The following ZFYVE28 variants were observed in gnomAD, a reference collection of about 807,000 sequenced individuals.
The protein encoded by ZFYVE28 is lateral signaling target protein 2 homolog.
In ZFYVE28, 40 loss-of-function variants were observed where a neutral mutation model predicts 82.1. That is an observed-to-expected ratio of 0.49 (90% CI 0.38 to 0.63). ZFYVE28 has a LOEUF of 0.63. Among genes scored for constraint, ZFYVE28 ranks in the 30% least tolerant of loss-of-function variants. The pLI is 0.00. For synonymous variants in ZFYVE28, 612 were observed against 546.1 expected, an observed-to-expected ratio of 1.12 and a Z score of -1.68; for missense variants, 1,321 against 1,242.1, an observed-to-expected ratio of 1.06 and a Z score of -0.96.
At position 2,358,322 on chromosome 4, in the gene ZFYVE28, C is replaced by G. The variant is rs576768775; in HGVS notation, c.40-4249G>C. Among the ~76,000 whole-genome samples the G allele has an allele frequency of 2.8e-3, 426 of 152,344 alleles. 2 individuals carry two copies. The highest frequency in any genetic ancestry group is 9.9e-3 in the African/African-American group (411 of 41,578). On this transcript the variant is annotated intron_variant, in intron 1 of 12. Coordinates refer to ENST00000290974, the MANE Select transcript of ZFYVE28 (RefSeq NM_020972.3). ...GTGTGTGCATGTGAGACCAGTGCAGCAAGTGTCAAGATGAGCTCCCACAGG... is the reference window on the plus strand; with the variant it reads ...GTGTGTGCATGTGAGACCAGTGCAGGAAGTGTCAAGATGAGCTCCCACAGG...
intron 1 of ZFYVE28, among the ~76,000 whole-genome samples, chr4:2,414,984 C>T (rs1732882136): frequency 6.6e-6 from 1 of 152,238 alleles, no homozygotes; most frequent in Non-Finnish European, 1.5e-5. Flanking sequence ...GGTTTTCCTG[C>T]ACCGTCTCTT....
chr4:2,347,426 C>T (rs775133340), intron 2 of ZFYVE28, among the ~76,000 whole-genome samples: 1 of 152,156 alleles, frequency 6.6e-6, no homozygotes, highest in South Asian at 2.1e-4. Flanking sequence ...ATATGGTTGA[C>T]ATTTACAGAA....
At chr4:2,310,304 C>T (rs1717297895) in intron 7 of ZFYVE28, among the ~76,000 whole-genome samples, 1 of 152,048 alleles carries the variant, frequency 6.6e-6, no homozygotes, top group South Asian at 2.1e-4. Flanking sequence ...CTTCCAAAGT[C>T]CTGGGATTAC....
At chr4:2,403,116 T>A (rs3135074) in intron 1 of ZFYVE28, among the ~76,000 whole-genome samples, 2 of 152,278 alleles carry the variant, frequency 1.3e-5, no homozygotes, top group East Asian at 3.9e-4. Flanking sequence ...TGATGACCCC[T>A]CTGGGCTGTG....
At chr4:2,290,143 G>A (rs560979508) in intron 8 of ZFYVE28, among the ~76,000 whole-genome samples, 1 of 152,298 alleles carries the variant, frequency 6.6e-6, no homozygotes, top group East Asian at 1.9e-4. Flanking sequence ...TGCCCCAGGG[G>A]ACTCACGTGC....
intron 6 of ZFYVE28, among the ~76,000 whole-genome samples, chr4:2,326,507 T>C (rs1247026378): frequency 2.0e-5 from 3 of 152,234 alleles, no homozygotes; most frequent in Non-Finnish European, 4.4e-5. Context: ...TTGCTCATGA[T>C]TGCCTTGGCT....
chr4:2,273,298 G>A lies in ZFYVE28; in HGVS notation c.2207-9C>T, dbSNP rs761346272. 2.1e-5 allele frequency: 34 copies of A among 1,608,264 alleles called. No individual in the cohort carries two copies. In the South Asian group the frequency reaches 3.7e-4, roughly 18 times the overall value. On this transcript the variant is annotated splice_polypyrimidine_tract_variant and intron_variant, in intron 9 of 12. Coordinates refer to ENST00000290974, the MANE Select transcript of ZFYVE28 (RefSeq NM_020972.3). ...CAGCTGGTCAGCCACACCTGAGGAA[G>A]GAAGGCCACAGTAACCACGACAGAA...
intron 3 of ZFYVE28, among the ~76,000 whole-genome samples, chr4:2,340,725 C>T (rs977291940): frequency 2.6e-5 from 4 of 152,054 alleles, no homozygotes; most frequent in Non-Finnish European, 5.9e-5. Context: ...GGAGGGAGAA[C>T]CTGCCCGCGG....
At position 2,409,391 on chromosome 4, in the gene ZFYVE28, G is replaced by A. The variant is rs1226951008; in HGVS notation, c.39+8894C>T. ...GAAGGACCCCGCAAACAGCAGTGCTGACCCCATCATGCCCCCACCTTCCTT... is the reference window on the plus strand; with the variant it reads ...GAAGGACCCCGCAAACAGCAGTGCTAACCCCATCATGCCCCCACCTTCCTT... On this transcript the variant is annotated intron_variant, in intron 1 of 12. Coordinates refer to ENST00000290974, the MANE Select transcript of ZFYVE28 (RefSeq NM_020972.3). This position sits in a 1 kb window ranked among gnomAD's most constrained non-coding sequence, Gnocchi z 4.4. Among the ~76,000 whole-genome samples, 1 of 152,002 alleles carries A rather than the reference G, an allele frequency of 6.6e-6. No homozygotes were observed. The highest frequency in any genetic ancestry group is 6.6e-5 in the Admixed American group (1 of 15,258).
At chr4:2,401,247 G>A (rs1378869029) in intron 1 of ZFYVE28, among the ~76,000 whole-genome samples, 1 of 152,230 alleles carries the variant, frequency 6.6e-6, no homozygotes, top group East Asian at 1.9e-4. Flanking sequence ...AGTGGTCACA[G>A]CTCACACGCA....
At chr4:2,275,564 T>C (rs1294984619) in intron 8 of ZFYVE28, among the ~76,000 whole-genome samples, 1 of 152,238 alleles carries the variant, frequency 6.6e-6, no homozygotes, top group Non-Finnish European at 1.5e-5. Context: ...CGGCCTCTTT[T>C]GGAGGGCTTG....
rs767557756 is a variant in ZFYVE28, at chr4:2,304,960, G to A, written c.1380C>T (p.Asn460=). Residue 460 remains asparagine, a synonymous_variant, in exon 8 of 13, where the codon AAC becomes AAT. Coordinates refer to ENST00000290974, the MANE Select transcript of ZFYVE28 (RefSeq NM_020972.3). ...PASEKEEDLS[N]NNLEAEGTDG... The stretch of plus-strand genomic sequence containing the variant: ...CTGTGCCCTCGGCCTCGAGATTGTT[G>A]TTGCTCAAGTCCTCCTCCTTTTCCG... The A allele has an allele frequency of 1.9e-6, 3 of 1,612,584 alleles. No individual in the cohort carries two copies. Among genetic ancestry groups the A allele is most frequent in the South Asian group, 1.1e-5 (1 of 91,090 alleles).
Position 2,339,779 on chromosome 4 carries a change from T to A in ZFYVE28, c.319-124A>T. The A allele has an allele frequency of 3.6e-6, 3 of 824,034 alleles. No homozygotes were observed. Among genetic ancestry groups the A allele is most frequent in the Non-Finnish European group, 5.6e-6 (3 of 540,006 alleles). 51.0% of individuals were successfully genotyped at this position (824,034 alleles called of 1,614,324 possible). ...TTCTCACCCCACAGCACAGGCCAGC[T>A]CGTGTTCCCGGTCCCCGCAGGAGGT... On this transcript the variant is annotated intron_variant, in intron 3 of 12. Coordinates refer to ENST00000290974, the MANE Select transcript of ZFYVE28 (RefSeq NM_020972.3). The surrounding 1 kb of genome is among the most constrained non-coding windows in gnomAD (Gnocchi z 5.0).
At chr4:2,330,428 A>AC (rs2108846489) in intron 6 of ZFYVE28, 1 of 1,049,626 alleles carries the variant, frequency 9.5e-7, no homozygotes, top group African/African-American at 1.7e-5. Context: ...GGAAGAGGGG[A>AC]CATCATGGAG....
chr4:2,406,062 A>AAAAAAAGAAAG (rs1553867781), intron 1 of ZFYVE28, among the ~76,000 whole-genome samples: 2 of 125,072 alleles, frequency 1.6e-5, no homozygotes, highest in African/African-American at 3.3e-5. Context: ...AAAAAAAAAA[A>AAAAAAAGAAAG]AAAGAAAGAA....
intron 8 of ZFYVE28, among the ~76,000 whole-genome samples, chr4:2,280,258 C>T (rs940793140): frequency 2.0e-5 from 3 of 152,116 alleles, no homozygotes; most frequent in African/African-American, 7.2e-5. Context: ...GTGATCCCAA[C>T]AATTATTGGG....
chr4:2,290,815 G>A (rs975032896), intron 8 of ZFYVE28, among the ~76,000 whole-genome samples: 1 of 152,128 alleles, frequency 6.6e-6, no homozygotes, highest in Non-Finnish European at 1.5e-5. Flanking sequence ...GAGGGGTGGG[G>A]GCCATAATCT....
intron 1 of ZFYVE28, among the ~76,000 whole-genome samples, chr4:2,358,686 T>G (rs1725688851): frequency 6.6e-6 from 1 of 152,206 alleles, no homozygotes; most frequent in Non-Finnish European, 1.5e-5. Flanking sequence ...GAGGCAGATT[T>G]GCTGTGTGAC....
At chr4:2,392,924 C>A (rs1018967105) in intron 1 of ZFYVE28, among the ~76,000 whole-genome samples, 3 of 152,162 alleles carry the variant, frequency 2.0e-5, no homozygotes, top group African/African-American at 7.2e-5. Context: ...AAAAATATGT[C>A]CATGTAGAAT....
Sources: gnomAD v4.1 joint callset for allele counts (sites outside exome capture counted in the v4.1 genomes callset) on GRCh38, gnomAD v4.1.1 for gene constraint, Gnocchi (gnomAD v3.1) non-coding constraint, MANE v1.5 for transcripts, NCBI Gene and HGNC (gene_info 2026-07-23, HGNC 2026-07-21) for gene names.